Variants in NCS1 observed in about 807,000 individuals in gnomAD.
The protein encoded by NCS1 is neuronal calcium sensor 1, also known as frequenin homolog.
NCS1 carries 6 observed loss-of-function variants against 28.4 expected under a neutral mutation model. That is an observed-to-expected ratio of 0.21 (90% CI 0.12 to 0.42). The LOEUF (loss-of-function observed/expected upper bound fraction) is 0.42, where lower values mean the gene tolerates loss of function less well. NCS1 is among the 10% of genes least tolerant of loss of function. The pLI, the probability that NCS1 is intolerant of heterozygous loss-of-function variation, is 1.00. For missense variants in NCS1, 131 were observed against 241.4 expected, an observed-to-expected ratio of 0.54 and a Z score of 3.03; for synonymous variants, 86 against 99.3, an observed-to-expected ratio of 0.87 and a Z score of 0.79.
rs533803243 is a variant in NCS1 at position 130,219,150 on chromosome 9, A to G, written c.229-575A>G. Among the ~76,000 whole-genome samples the G allele has an allele frequency of 5.3e-5, 8 of 152,052 alleles. No individual in the cohort carries two copies. The East Asian group carries it at 1.4e-3, about 26-fold the overall frequency. ...GTCCTGCAGTAGCATTTGAGGGTGG[A>G]TTTACTGCCACTTGTCTCTGTACCC... On this transcript the variant is annotated intron_variant, in intron 3 of 7. Coordinates refer to ENST00000372398, the MANE Select transcript of NCS1 (RefSeq NM_014286.4). This position sits in a 1 kb window ranked among gnomAD's most constrained non-coding sequence, Gnocchi z 5.7.
chr9:130,203,046 A>ATGTGTGTGTGTGTGTGTGTGTG (rs113946626), intron 2 of NCS1, among the ~76,000 whole-genome samples: 80 of 142,706 alleles, frequency 5.6e-4, no homozygotes, highest in African/African-American at 2.0e-3. Flanking sequence ...CAGGGTAAAT[A>ATGTGTGTGTGTGTGTGTGTGTG]TGTGTGTGTG....
chr9:130,207,053 T>C (rs112904157), intron 2 of NCS1, among the ~76,000 whole-genome samples: 2,193 of 152,268 alleles, frequency 0.014, 42 homozygotes, highest in African/African-American at 0.05. Context: ...CCTTGCCTCA[T>C]GTCCAGCTCC....
Position 130,235,408 on chromosome 9 carries a change from TC to T in NCS1, c.*2437del, listed in dbSNP as rs1554912860. 6.6e-6 allele frequency: 1 copy of T among 152,450 alleles called. No homozygotes were observed. The highest frequency in any genetic ancestry group is 2.4e-5 in the African/African-American group (1 of 41,472). The allele number at this position is 152,450 out of a possible 1,614,324, so 9.4% of individuals were successfully genotyped here. Reference sequence around the variant, plus strand: ...CTCTGCCTGAGGCTCGATTTGCCTCTCTGGTCCAATGGGACTGACACTGTTG... The same window carrying T: ...CTCTGCCTGAGGCTCGATTTGCCTCTTGGTCCAATGGGACTGACACTGTTG... On this transcript the variant is annotated 3_prime_UTR_variant, in exon 8 of 8. Coordinates refer to ENST00000372398, the MANE Select transcript of NCS1 (RefSeq NM_014286.4).
chr9:130,208,700 C>T (rs549574097), intron 2 of NCS1, among the ~76,000 whole-genome samples: 15 of 152,350 alleles, frequency 9.8e-5, no homozygotes, highest in African/African-American at 3.1e-4. Flanking sequence ...TTCTGGGCCG[C>T]GCCATGCAGA....
intron 1 of NCS1, among the ~76,000 whole-genome samples, chr9:130,196,079 A>G (rs1832874978): frequency 6.6e-6 from 1 of 152,126 alleles, no homozygotes; most frequent in Admixed American, 6.6e-5. Flanking sequence ...GTGGAGGCTG[A>G]GGCAAAGGGA....
intron 1 of NCS1, among the ~76,000 whole-genome samples, chr9:130,185,370 CT>C (rs1554905532): frequency 6.6e-6 from 1 of 152,260 alleles, no homozygotes; most frequent in East Asian, 1.9e-4. Context: ...AACGAAGTTC[CT>C]TCTTATCCAT....
rs944798113 is a variant in NCS1 at position 130,215,666 on chromosome 9, G to A, written c.90-2166G>A. ...TGGGATGGTTGGGCCGACCTGCCGA[G>A]GGAACCACCCTCTCAGCACAGTGCC... On this transcript the variant is annotated intron_variant, in intron 2 of 7. Coordinates refer to ENST00000372398, the MANE Select transcript of NCS1 (RefSeq NM_014286.4). The surrounding 1 kb of genome is among the most constrained non-coding windows in gnomAD (Gnocchi z 4.2). Among the ~76,000 whole-genome samples, 8 of 152,290 alleles carry A rather than the reference G, an allele frequency of 5.3e-5. No individual in the cohort carries two copies. Among genetic ancestry groups the A allele is most frequent in the African/African-American group, 1.9e-4 (8 of 41,560 alleles).
chr9:130,203,444 A>C (rs1832984558), intron 2 of NCS1, among the ~76,000 whole-genome samples: 1 of 152,232 alleles, frequency 6.6e-6, no homozygotes, highest in Non-Finnish European at 1.5e-5. Context: ...ATGAGTGGAC[A>C]GCAAGGAGTC....
chr9:130,183,405 A>G (rs782400078), intron 1 of NCS1, among the ~76,000 whole-genome samples: 13 of 152,322 alleles, frequency 8.5e-5, no homozygotes, highest in Middle Eastern at 3.4e-3. Context: ...TGAGGCATCC[A>G]GGCCACTGTG....
intron 1 of NCS1, among the ~76,000 whole-genome samples, chr9:130,197,530 T>C (rs1554906975): frequency 6.6e-6 from 1 of 151,992 alleles, no homozygotes; most frequent in Non-Finnish European, 1.5e-5. Context: ...CCTCTCCAGG[T>C]TGGGGTGGTA....
In NCS1 at chr9:130,191,263, G is replaced by A. The variant is rs184828123; in HGVS notation, c.65-9695G>A. ...CGAGAGCCTGGCTTTAGAGGGCCTC[G>A]GGCAGGAGAGCCAGGCCTGGGTGCA... On this transcript the variant is annotated intron_variant, in intron 1 of 7. Coordinates refer to ENST00000372398, the MANE Select transcript of NCS1 (RefSeq NM_014286.4). This position sits in a 1 kb window ranked among gnomAD's most constrained non-coding sequence, Gnocchi z 6.4. Among the ~76,000 whole-genome samples, 459 of 152,258 alleles carry A rather than the reference G, an allele frequency of 3.0e-3. 6 individuals are homozygous for A. The highest frequency in any genetic ancestry group is 0.01 in the African/African-American group (433 of 41,542).
intron 1 of NCS1, among the ~76,000 whole-genome samples, chr9:130,189,874 AAAAAAATAT>A (rs1564704594): frequency 1.0e-5 from 1 of 97,346 alleles, no homozygotes; most frequent in Non-Finnish European, 1.8e-5. Flanking sequence ...AAAAAAAAAA[AAAAAAATAT>A]ATATATATAT....
chr9:130,210,793 T>C (rs953815770), intron 2 of NCS1, among the ~76,000 whole-genome samples: 7 of 151,976 alleles, frequency 4.6e-5, no homozygotes, highest in Non-Finnish European at 1.0e-4. Flanking sequence ...CTTTTTCAGT[T>C]TCTTAAACTT....
intron 7 of NCS1, among the ~76,000 whole-genome samples, chr9:130,229,799 A>C (rs1833474666): frequency 6.6e-6 from 1 of 152,180 alleles, no homozygotes; most frequent in African/African-American, 2.4e-5. Flanking sequence ...GATTATATCC[A>C]ATTTGTGTTC....
At position 130,191,124 on chromosome 9, in the gene NCS1, C is replaced by T. The variant is rs1554906222; in HGVS notation, c.65-9834C>T. 6.6e-6 allele frequency among the ~76,000 whole-genome samples: 1 copy of T among 152,182 alleles called. No homozygotes were observed. On this transcript the variant is annotated intron_variant, in intron 1 of 7. Coordinates refer to ENST00000372398, the MANE Select transcript of NCS1 (RefSeq NM_014286.4). The surrounding 1 kb of genome is among the most constrained non-coding windows in gnomAD (Gnocchi z 6.4). ...TTGTGATGTGTATCCTCTCGTTGGC[C>T]CCTGACAGCGGGGCAGGGAGCACGC... is the stretch of plus-strand genomic sequence containing the variant.
At position 130,219,763 on chromosome 9, in the gene NCS1, G is replaced by A; in HGVS notation, c.267G>A (p.Leu89=). 7 of 1,614,260 alleles carry A rather than the reference G, an allele frequency of 4.3e-6. No homozygotes were observed. Among genetic ancestry groups the A allele is most frequent in the Non-Finnish European group, 5.1e-6 (6 of 1,180,042 alleles). ...AGTTCTCCGAGTTCATCCAGGCGCT[G>A]TCGGTGACCTCACGGGGAACCCTGG... ...RIEFSEFIQA[L]SVTSRGTLDE... is the part of the protein sequence containing the mutation. The change falls in exon 4 of 8, where the codon CTG becomes CTA. Residue 89 remains leucine (L), a synonymous_variant. Transcript: ENST00000372398. The surrounding 1 kb of genome is among the most constrained non-coding windows in gnomAD (Gnocchi z 5.7).
intron 7 of NCS1, among the ~76,000 whole-genome samples, chr9:130,230,078 C>T (rs1833478750): frequency 6.6e-6 from 1 of 152,206 alleles, no homozygotes. Context: ...GGGCCAGGCG[C>T]ACTGGCTCAT....
At chr9:130,183,249 C>T (rs576855669) in intron 1 of NCS1, among the ~76,000 whole-genome samples, 2 of 152,172 alleles carry the variant, frequency 1.3e-5, no homozygotes, top group Non-Finnish European at 2.9e-5. Context: ...ATCTGTTCCA[C>T]TCTCTGTGAG....
chr9:130,194,356 C>CGCGGGTGCTTCCTGGCTGTGGGCACT (rs1554906555), intron 1 of NCS1, among the ~76,000 whole-genome samples: 4 of 152,104 alleles, frequency 2.6e-5, no homozygotes, highest in Non-Finnish European at 4.4e-5. Context: ...CTGTGGGCAC[C>CGCGGGTGCTTCCTGGCTGTGGGCACT]GCGGGTGCTT....
Sources: gnomAD v4.1 joint callset for allele counts (sites outside exome capture counted in the v4.1 genomes callset) on GRCh38, gnomAD v4.1.1 for gene constraint, Gnocchi (gnomAD v3.1) non-coding constraint, MANE v1.5 for transcripts, NCBI Gene and HGNC (gene_info 2026-07-23, HGNC 2026-07-21) for gene names.